Variants in PHF24 observed in about 807,000 individuals in gnomAD.
PHF24 encodes Galpha inhibitory interacting protein.
A neutral mutation model predicts 42.6 loss-of-function variants in PHF24; 25 were observed. That is an observed-to-expected ratio of 0.59 (90% CI 0.43 to 0.82). The LOEUF (loss-of-function observed/expected upper bound fraction) is 0.82. Ranked by LOEUF, PHF24 falls within the 40% of genes least tolerant of loss-of-function variation. The pLI, the probability that PHF24 is intolerant of heterozygous loss-of-function variation, is 0.00. For missense variants in PHF24, 470 were observed against 538.1 expected (o/e 0.87, Z 1.25); for synonymous variants, 185 against 204.8 (o/e 0.90, Z 0.83).
chr9:34,842,437 A>AT, the PHF24 span, among the ~76,000 whole-genome samples: 1 of 152,196 alleles, frequency 6.6e-6, no homozygotes, highest in African/African-American at 2.4e-5. Context: ...TTGAAACCTA[A>AT]TTACCAAGGT....
Position 34,977,251 on chromosome 9 carries a change from C to T in PHF24, c.1010+8C>T, listed in dbSNP as rs1418356469. ...TCCTTCCTGCAGTGTCAGGTCTGCT[C>T]CTTACCAGTCCTGGTCCCCACTCAG... On this transcript the variant is annotated splice_region_variant and intron_variant, in intron 6 of 7. Coordinates refer to ENST00000242315, the Ensembl canonical transcript of PHF24. 2 of 1,588,654 alleles carry T rather than the reference C, an allele frequency of 1.3e-6. No homozygotes were observed. The highest frequency in any genetic ancestry group is 1.3e-5 in the African/African-American group (1 of 74,248).
At chr9:34,957,261 C>CA (rs1283915494), upstream of PHF24, among the ~76,000 whole-genome samples, 2 of 151,388 alleles carry the variant, frequency 1.3e-5, no homozygotes, top group Admixed American at 1.3e-4. Flanking sequence ...ACTAGACGCT[C>CA]AAAAAAATGA....
chr9:34,929,523 T>C, the PHF24 span, among the ~76,000 whole-genome samples: 1 of 152,020 alleles, frequency 6.6e-6, no homozygotes, highest in African/African-American at 2.4e-5. Flanking sequence ...GGGAAAAAAA[T>C]GAAGGGATGA....
chr9:34,930,652 C>G, the PHF24 span, among the ~76,000 whole-genome samples: 2 of 94,020 alleles, frequency 2.1e-5, no homozygotes, highest in Non-Finnish European at 4.5e-5. Flanking sequence ...TGGAATCTTG[C>G]CATTAGGGAA....
chr9:34,877,730 A>AT, the PHF24 span, among the ~76,000 whole-genome samples: 47 of 151,316 alleles, frequency 3.1e-4, 1 homozygote, highest in Non-Finnish European at 5.9e-4. Flanking sequence ...AACACAGGGG[A>AT]TTTTTTTTTA....
the PHF24 span, among the ~76,000 whole-genome samples, chr9:34,938,058 CA>C: frequency 6.6e-6 from 1 of 152,166 alleles, no homozygotes; most frequent in Non-Finnish European, 1.5e-5. Context: ...GCCCGGGCCA[CA>C]AAGTGGAGAC....
chr9:34,875,798 A>G, the PHF24 span, among the ~76,000 whole-genome samples: 1 of 151,964 alleles, frequency 6.6e-6, no homozygotes, highest in African/African-American at 2.4e-5. Context: ...CATAGAGCAC[A>G]TCTGGTGCTC....
At chr9:34,745,772 A>T in the PHF24 span, among the ~76,000 whole-genome samples, 23 of 152,100 alleles carry the variant, frequency 1.5e-4, no homozygotes, top group Non-Finnish European at 3.1e-4. Flanking sequence ...ACATTTCAAA[A>T]GTAAACAATT....
At chr9:34,816,852 G>C in the PHF24 span, among the ~76,000 whole-genome samples, 1 of 152,254 alleles carries the variant, frequency 6.6e-6, no homozygotes, top group Admixed American at 6.5e-5. Flanking sequence ...AGACTCTCAG[G>C]ACAAGTTTGA....
the PHF24 span, chr9:34,723,747 C>T: frequency 6.4e-7 from 1 of 1,551,466 alleles, no homozygotes; most frequent in African/African-American, 1.4e-5. Flanking sequence ...CCCTGTGAAG[C>T]CTGGGGCAAC....
chr9:34,895,958 A>G, the PHF24 span, among the ~76,000 whole-genome samples: 1 of 152,158 alleles, frequency 6.6e-6, no homozygotes, highest in African/African-American at 2.4e-5. Context: ...GGTGCTCTGT[A>G]TGGGCTACAG....
At chr9:34,893,121 G>A in the PHF24 span, 60 of 827,760 alleles carry the variant, frequency 7.2e-5, no homozygotes, top group East Asian at 1.3e-3. Flanking sequence ...AGGATTCGCC[G>A]CACACTTCCT....
At chr9:34,696,048 T>A in the PHF24 span, among the ~76,000 whole-genome samples, 1 of 152,252 alleles carries the variant, frequency 6.6e-6, no homozygotes, top group South Asian at 2.1e-4. Context: ...GTCAAGACAT[T>A]AGGAGATAAA....
chr9:34,727,165 G>C, the PHF24 span, among the ~76,000 whole-genome samples: 1 of 152,242 alleles, frequency 6.6e-6, no homozygotes, highest in Non-Finnish European at 1.5e-5. Flanking sequence ...AGGTGTGGTG[G>C]GCTGGGCTGA....
the PHF24 span, chr9:34,838,604 C>T: frequency 7.1e-5 from 46 of 649,880 alleles, no homozygotes; most frequent in South Asian, 1.4e-4. Flanking sequence ...TCACAGAGGA[C>T]GGAACTAGGC....
chr9:34,921,521 T>C, the PHF24 span, among the ~76,000 whole-genome samples: 3 of 152,194 alleles, frequency 2.0e-5, no homozygotes, highest in Admixed American at 2.0e-4. Context: ...GACATTTAAA[T>C]ACAAATAAAA....
the PHF24 span, chr9:34,666,079 G>T: frequency 8.2e-6 from 2 of 242,522 alleles, no homozygotes; most frequent in Non-Finnish European, 1.6e-5. Flanking sequence ...GGATGCCGTT[G>T]CGCACTAGGT....
At chr9:34,833,763 C>T in the PHF24 span, 9 of 1,548,786 alleles carry the variant, frequency 5.8e-6, no homozygotes, top group East Asian at 2.0e-4. Context: ...GTACAACTCT[C>T]ATTGTTGCCT....
the PHF24 span, among the ~76,000 whole-genome samples, chr9:34,804,220 G>A: frequency 6.6e-6 from 1 of 152,220 alleles, no homozygotes. Context: ...TGTCATGAAA[G>A]AGAGTTCAGC....
Sources: allele counts gnomAD v4.1 joint callset (sites outside exome capture counted in the v4.1 genomes callset), GRCh38; gene constraint gnomAD v4.1.1; transcripts MANE v1.5; gene names NCBI Gene and HGNC (gene_info 2026-07-23, HGNC 2026-07-21).